The following SPATS2 variants were observed in gnomAD, a reference collection of about 807,000 sequenced individuals.
SPATS2 encodes the protein spermatogenesis associated serine rich 2.
SPATS2 carries 38 observed loss-of-function variants against 63.7 expected under a neutral mutation model. That is an observed-to-expected ratio of 0.60 (90% CI 0.46 to 0.78). The LOEUF is 0.78. Among genes scored for constraint, SPATS2 ranks in the 30% least tolerant of loss-of-function variants. The pLI, the probability that SPATS2 is intolerant of heterozygous loss-of-function variation, is 0.00. For missense variants in SPATS2, 588 were observed against 666.2 expected (o/e 0.88, Z 1.29); for synonymous variants, 207 against 232.9 (o/e 0.89, Z 1.01).
In SPATS2 at chr12:49,520,407, C is replaced by T. The variant is rs377510841; in HGVS notation, c.1008+1225C>T. 7.9e-5 allele frequency among the ~76,000 whole-genome samples: 12 copies of T among 152,120 alleles called. No homozygotes were observed. The South Asian group carries it at 8.3e-4, about 11-fold the overall frequency. The stretch of plus-strand genomic sequence containing the variant: ...TGCTGGGATTACAGGTGTGAGCCAC[C>T]GCGCCCGGCCCAGTTACCACCCTTG... On this transcript the variant is annotated intron_variant, in intron 11 of 13. Transcript: ENST00000552918.
intron 2 of SPATS2, among the ~76,000 whole-genome samples, chr12:49,426,064 C>T (rs916120126): frequency 9.9e-5 from 15 of 152,124 alleles, no homozygotes; most frequent in African/African-American, 2.7e-4. Flanking sequence ...CCTGCGTGTA[C>T]GCCAGTGTTG....
chr12:49,396,961 A>C (rs770434933), intron 2 of SPATS2, among the ~76,000 whole-genome samples: 3 of 152,292 alleles, frequency 2.0e-5, no homozygotes, highest in South Asian at 4.1e-4. Context: ...TTCCCAACAC[A>C]GTGATCATTA....
In SPATS2 at chr12:49,518,232, C is replaced by G. The variant is rs1006972341; in HGVS notation, c.899-841C>G. 8.5e-5 allele frequency among the ~76,000 whole-genome samples: 13 copies of G among 152,282 alleles called. 1 individual carries two copies. The South Asian group carries it at 2.5e-3, about 29-fold the overall frequency. On this transcript the variant is annotated intron_variant, in intron 10 of 13. Coordinates refer to ENST00000552918, the MANE Select transcript of SPATS2 (RefSeq NM_023071.4). ...CTGGATGGGAAGGAATAGCAGAGTC[C>G]CTTCCCTGGTAGTAGAGAACATTCG...
intron 2 of SPATS2, among the ~76,000 whole-genome samples, chr12:49,426,453 A>G (rs1294533571): frequency 6.6e-6 from 1 of 152,214 alleles, no homozygotes; most frequent in Non-Finnish European, 1.5e-5. Flanking sequence ...GGAAACATGC[A>G]GCATGCACTA....
At chr12:49,506,158 C>G (rs1946650812) in intron 9 of SPATS2, among the ~76,000 whole-genome samples, 1 of 152,178 alleles carries the variant, frequency 6.6e-6, no homozygotes, top group Non-Finnish European at 1.5e-5. Flanking sequence ...GTAGGCTAGG[C>G]TAAGCTTTGA....
At chr12:49,394,159 G>A (rs1384395307) in intron 2 of SPATS2, among the ~76,000 whole-genome samples, 1 of 151,952 alleles carries the variant, frequency 6.6e-6, no homozygotes, top group Non-Finnish European at 1.5e-5. Context: ...GCAACATGGC[G>A]AAACCCTGTC....
At chr12:49,442,984 A>G (rs1945449449) in intron 2 of SPATS2, among the ~76,000 whole-genome samples, 1 of 152,108 alleles carries the variant, frequency 6.6e-6, no homozygotes, top group Admixed American at 6.6e-5. Context: ...GGTATCTCAC[A>G]TAAGTGGAAT....
At chr12:49,476,303 G>A (rs1236172495) in intron 3 of SPATS2, among the ~76,000 whole-genome samples, 1 of 152,098 alleles carries the variant, frequency 6.6e-6, no homozygotes, top group Admixed American at 6.6e-5. Flanking sequence ...GGGGCAGTAG[G>A]AGGAGAGCCT....
intron 10 of SPATS2, among the ~76,000 whole-genome samples, chr12:49,516,138 CAAAAAAA>C (rs57936702): frequency 1.2e-3 from 4 of 3,472 alleles, no homozygotes; most frequent in African/African-American, 2.1e-3. Context: ...GACTCCATCT[CAAAAAAA>C]AAAAAAAAAA....
At chr12:49,445,310 C>T (rs958598610) in intron 2 of SPATS2, among the ~76,000 whole-genome samples, 2 of 151,982 alleles carry the variant, frequency 1.3e-5, no homozygotes, top group African/African-American at 2.4e-5. Flanking sequence ...GGTATGGGTG[C>T]GTGAAAATGC....
intron 11 of SPATS2, among the ~76,000 whole-genome samples, chr12:49,521,270 CAG>C (rs1400534200): frequency 2.0e-5 from 3 of 152,154 alleles, no homozygotes; most frequent in Non-Finnish European, 4.4e-5. Flanking sequence ...AAAATAAAAA[CAG>C]AGGTGGAAGA....
chr12:49,526,208 CCCCAGCGCAAA>C lies in SPATS2; in HGVS notation c.1597_1607del (p.Arg533AspfsTer5). ...CACGCCTTCATTCAAAAAGGGGCTCCCCCAGCGCAAACCCAGGACCTCTCAGACTGAAGCCG... is the reference window on the plus strand; with the variant it reads ...CACGCCTTCATTCAAAAAGGGGCTCCCCCAGGACCTCTCAGACTGAAGCCG... On this transcript the variant is annotated frameshift_variant, in exon 14 of 14. Coordinates refer to ENST00000552918, the MANE Select transcript of SPATS2 (RefSeq NM_023071.4). LOFTEE classifies it high-confidence loss of function. 6.2e-7 allele frequency: 1 copy of C among 1,614,146 alleles called. No individual in the cohort carries two copies. Among genetic ancestry groups the C allele is most frequent in the Non-Finnish European group, 8.5e-7 (1 of 1,180,030 alleles).
At chr12:49,391,176 G>C (rs1944411646) in intron 2 of SPATS2, among the ~76,000 whole-genome samples, 1 of 152,202 alleles carries the variant, frequency 6.6e-6, no homozygotes, top group Non-Finnish European at 1.5e-5. Flanking sequence ...GTAGAGGTGG[G>C]GTAATCTGTG....
rs376973566 is a variant in SPATS2, at chr12:49,431,543, G to A, written c.-243-29227G>A. Among the ~76,000 whole-genome samples the A allele has an allele frequency of 7.2e-4, 109 of 152,216 alleles. No individual in the cohort carries two copies. The South Asian group carries it at 0.013, about 18-fold the overall frequency. ...GAATTCAGGCATGAGCCACCGCACC[G>A]GGCCCAAAGAACTTTTCTCAAAAAC... On this transcript the variant is annotated intron_variant, in intron 2 of 13. Coordinates refer to ENST00000552918, the MANE Select transcript of SPATS2 (RefSeq NM_023071.4).
chr12:49,519,226 G>A, intron 11 of SPATS2, 44 bp downstream of exon 11: 1 of 1,494,838 alleles, frequency 6.7e-7, no homozygotes, highest in Non-Finnish European at 9.1e-7. Flanking sequence ...TATCCTCAGG[G>A]GCTAAAGTAA....
At chr12:49,484,547 A>T in intron 3 of SPATS2, 43 bp from the exon 4 acceptor site, 1 of 1,586,262 alleles carries the variant, frequency 6.3e-7, no homozygotes, top group Non-Finnish European at 8.6e-7. Flanking sequence ...GGGATGGATT[A>T]TATTTGGATC....
chr12:49,417,855 G>A (rs762994014), intron 2 of SPATS2, among the ~76,000 whole-genome samples: 2 of 152,130 alleles, frequency 1.3e-5, no homozygotes, highest in African/African-American at 4.8e-5. Context: ...TGAATTTGGG[G>A]TAGAGGGAAA....
At chr12:49,515,695 C>T (rs909486015) in intron 10 of SPATS2, among the ~76,000 whole-genome samples, 2 of 152,164 alleles carry the variant, frequency 1.3e-5, no homozygotes, top group African/African-American at 4.8e-5. Context: ...ACTAAAACCA[C>T]TAAGAAGACA....
At chr12:49,413,526 G>A (rs73297209) in intron 2 of SPATS2, among the ~76,000 whole-genome samples, 42,813 of 151,634 alleles carry the variant, frequency 0.28, 7,893 homozygotes, top group African/African-American at 0.52. Context: ...TATCTTGCCA[G>A]CACGTCATAT....
Sources: gnomAD v4.1 joint callset for allele counts (sites outside exome capture counted in the v4.1 genomes callset) on GRCh38, gnomAD v4.1.1 for gene constraint, MANE v1.5 for transcripts, NCBI Gene and HGNC (gene_info 2026-07-23, HGNC 2026-07-21) for gene names.